C3orf85: variants seen among roughly 807,000 people sequenced by gnomAD.
C3orf85 encodes uncharacterized protein C3orf85.
C3orf85 carries 1 observed loss-of-function variant against 1.7 expected under a neutral mutation model. The observed-to-expected ratio is 0.60, with a 90% CI of 0.21 to 2.86. The LOEUF is 2.86. Ranked by LOEUF, C3orf85 falls within the 30% of genes most tolerant of loss-of-function variation. C3orf85 has a pLI of 0.22. For missense variants in C3orf85, 29 were observed against 21.3 expected (o/e 1.36, Z -0.72); for synonymous variants, 17 against 8.0 (o/e 2.13, Z -1.90).
chr3:109,144,450 T>A (rs998318287), intron 2 of C3orf85, among the ~76,000 whole-genome samples: 1 of 152,198 alleles, frequency 6.6e-6, no homozygotes, highest in African/African-American at 2.4e-5. Flanking sequence ...GGTGTTATCA[T>A]CATCATCAAT....
intron 2 of C3orf85, among the ~76,000 whole-genome samples, chr3:109,137,655 A>G (rs1047207750): frequency 8.4e-5 from 12 of 143,168 alleles, no homozygotes; most frequent in Admixed American, 4.2e-4. Context: ...ATATATATAT[A>G]TATATATATA....
chr3:109,144,881 A>G (rs896109929), intron 2 of C3orf85, among the ~76,000 whole-genome samples: 1 of 152,212 alleles, frequency 6.6e-6, no homozygotes, highest in African/African-American at 2.4e-5. Context: ...TGAAAAAAAC[A>G]CCTATTTATT....
chr3:109,142,855 A>G (rs1706755996), intron 2 of C3orf85, among the ~76,000 whole-genome samples: 1 of 152,188 alleles, frequency 6.6e-6, no homozygotes, highest in Non-Finnish European at 1.5e-5. Flanking sequence ...AAATAAGATT[A>G]TGGAAGGCAA....
intron 2 of C3orf85, among the ~76,000 whole-genome samples, chr3:109,138,436 A>G (rs538000718): frequency 2.0e-5 from 3 of 152,352 alleles, no homozygotes; most frequent in Admixed American, 6.5e-5. Context: ...TAGAGAAGAA[A>G]GTAGTAGCTT....
intron 2 of C3orf85, among the ~76,000 whole-genome samples, chr3:109,137,558 C>T (rs1706691255): frequency 6.7e-6 from 1 of 149,746 alleles, no homozygotes; most frequent in Non-Finnish European, 1.5e-5. Context: ...TCTTGAGACT[C>T]ATGCACAAAA....
chr3:109,142,691 G>A (rs1003865451), intron 2 of C3orf85, among the ~76,000 whole-genome samples: 4 of 151,434 alleles, frequency 2.6e-5, no homozygotes, highest in Non-Finnish European at 5.9e-5. Flanking sequence ...GGAGTGCCCT[G>A]GCATGTGCTC....
chr3:109,148,687 A>G (rs1706828185), intron 3 of C3orf85: 2 of 314,250 alleles, frequency 6.4e-6, no homozygotes, highest in Non-Finnish European at 1.2e-5. Flanking sequence ...TCAAAATGTC[A>G]ATTGGAATTA....
At chr3:109,138,582 T>A (rs1269356328) in intron 2 of C3orf85, among the ~76,000 whole-genome samples, 2 of 152,232 alleles carry the variant, frequency 1.3e-5, no homozygotes, top group Non-Finnish European at 2.9e-5. Context: ...TCATGTTTTT[T>A]AAGTTTTCTC....
Position 109,150,045 on chromosome 3 carries a change from G to T in C3orf85, c.*151G>T. ...TGTCTCAAAGTTGTTGAAAACAGTAGTTATGAAAACCCATGTAGGAAACTG... is the reference window on the plus strand; with the variant it reads ...TGTCTCAAAGTTGTTGAAAACAGTATTTATGAAAACCCATGTAGGAAACTG... On this transcript the variant is annotated 3_prime_UTR_variant, in exon 4 of 4. Transcript: ENST00000622536. The T allele has an allele frequency of 8.5e-6, 3 of 352,420 alleles. No homozygotes were observed. The highest frequency in any genetic ancestry group is 2.1e-5 in the African/African-American group (1 of 46,670). 21.8% of individuals were successfully genotyped at this position (352,420 alleles called of 1,614,324 possible).
intron 2 of C3orf85, among the ~76,000 whole-genome samples, chr3:109,145,563 AAC>A (rs1458248264): frequency 6.6e-6 from 1 of 152,202 alleles, no homozygotes; most frequent in Non-Finnish European, 1.5e-5. Context: ...ATGGTTACAA[AAC>A]ACTGTAGATG....
At chr3:109,145,623 G>A (rs753943559) in intron 2 of C3orf85, among the ~76,000 whole-genome samples, 2 of 152,142 alleles carry the variant, frequency 1.3e-5, no homozygotes, top group Non-Finnish European at 2.9e-5. Context: ...CAAGTGATAT[G>A]TTTTATGTTA....
At position 109,150,375 on chromosome 3, in the gene C3orf85, C is replaced by G. The variant is rs533961504; in HGVS notation, c.*481C>G. 1 of 152,080 alleles carries G rather than the reference C, an allele frequency of 6.6e-6. No homozygotes were observed. Among genetic ancestry groups the G allele is most frequent in the Non-Finnish European group, 1.5e-5 (1 of 68,024 alleles). 9.4% of individuals were successfully genotyped at this position (152,080 alleles called of 1,614,324 possible). On this transcript the variant is annotated 3_prime_UTR_variant, in exon 4 of 4. Coordinates refer to ENST00000622536, the MANE Select transcript of C3orf85 (RefSeq NM_001351622.2). ...CGATTTTAAAACCATGACTTTGAAA[C>G]GTTTTTCATCAAAGGTGTACTGCTG...
intron 2 of C3orf85, 38 bp from the exon 3 acceptor site, chr3:109,148,215 C>A: frequency 1.4e-6 from 1 of 689,662 alleles, no homozygotes; most frequent in South Asian, 1.5e-5. Flanking sequence ...TAAACTATTG[C>A]TCTAAAAGAT....
chr3:109,137,983 G>A (rs1706699596), intron 2 of C3orf85, among the ~76,000 whole-genome samples: 1 of 152,080 alleles, frequency 6.6e-6, no homozygotes, highest in Non-Finnish European at 1.5e-5. Flanking sequence ...GACTTTAGAG[G>A]GGGTAACGGT....
intron 2 of C3orf85, among the ~76,000 whole-genome samples, chr3:109,137,456 A>G (rs1433765823): frequency 6.6e-6 from 1 of 151,786 alleles, no homozygotes; most frequent in South Asian, 2.1e-4. Context: ...ACTTACAAAG[A>G]TATAAATTAT....
intron 2 of C3orf85, among the ~76,000 whole-genome samples, chr3:109,141,140 C>T (rs903778197): frequency 2.0e-5 from 3 of 152,128 alleles, no homozygotes; most frequent in Non-Finnish European, 2.9e-5. Flanking sequence ...GCATGCACAA[C>T]CATGCCTGGC....
intron 3 of C3orf85, 134 bp downstream of exon 3, chr3:109,148,520 T>C: frequency 1.6e-6 from 1 of 614,162 alleles, no homozygotes. Flanking sequence ...CTATATCTGC[T>C]TTTTCTTGCC....
chr3:109,145,754 C>G (rs1706790963), intron 2 of C3orf85, among the ~76,000 whole-genome samples: 1 of 152,150 alleles, frequency 6.6e-6, no homozygotes, highest in South Asian at 2.1e-4. Context: ...TTTGGTATGA[C>G]AGTTAAAATC....
intron 2 of C3orf85, among the ~76,000 whole-genome samples, chr3:109,145,466 G>T (rs934013874): frequency 6.6e-6 from 1 of 152,094 alleles, no homozygotes; most frequent in Non-Finnish European, 1.5e-5. Flanking sequence ...AGTTACCAGG[G>T]GTTGGGGAGG....
Sources: gnomAD v4.1 joint callset for allele counts (sites outside exome capture counted in the v4.1 genomes callset) on GRCh38, gnomAD v4.1.1 for gene constraint, MANE v1.5 for transcripts, NCBI Gene and HGNC (gene_info 2026-07-23, HGNC 2026-07-21) for gene names.